The following HTR7 variants were observed in gnomAD, a reference collection of about 807,000 sequenced individuals.
HTR7 encodes 5-HT-7.
Under a neutral mutation model 34.0 loss-of-function variants are expected in HTR7, and 16 were observed. The ratio of observed to expected loss-of-function variants is 0.47; its 90% CI spans 0.32 to 0.71. The LOEUF is 0.71. HTR7 is among the 30% of genes least tolerant of loss of function. The probability of loss-of-function intolerance (pLI) is 0.04; values close to 1 mark genes in which losing one functional copy is unlikely to be tolerated. For synonymous variants in HTR7, 265 were observed against 260.2 expected, an observed-to-expected ratio of 1.02 and a Z score of -0.18; for missense variants, 504 against 625.5, an observed-to-expected ratio of 0.81 and a Z score of 2.07.
chr10:90,790,882 G>C (rs1845450978), intron 1 of HTR7, among the ~76,000 whole-genome samples: 1 of 152,082 alleles, frequency 6.6e-6, no homozygotes, highest in South Asian at 2.1e-4. Flanking sequence ...AATTACATTG[G>C]ATGCTTAGAC....
chr10:90,817,832 A>G (rs1845919559), intron 1 of HTR7, among the ~76,000 whole-genome samples: 1 of 152,254 alleles, frequency 6.6e-6, no homozygotes, highest in Non-Finnish European at 1.5e-5. Flanking sequence ...ATGTCTTTCA[A>G]CTGTTGAAAG....
intron 1 of HTR7, among the ~76,000 whole-genome samples, chr10:90,750,383 G>C (rs763983285): frequency 6.6e-6 from 1 of 152,136 alleles, no homozygotes; most frequent in Non-Finnish European, 1.5e-5. Flanking sequence ...ATTACTCCAA[G>C]TCTGTGATCA....
At chr10:90,798,924 T>C (rs945067956) in intron 1 of HTR7, among the ~76,000 whole-genome samples, 1 of 152,198 alleles carries the variant, frequency 6.6e-6, no homozygotes, top group African/African-American at 2.4e-5. Flanking sequence ...ACCGCCTTTG[T>C]AGAGCTAACA....
Position 90,756,417 on chromosome 10 carries a change from C to CTAGATGCTAA in HTR7, c.540-6833_540-6824dup, listed in dbSNP as rs1844833338. On this transcript the variant is annotated intron_variant, in intron 1 of 3. Transcript: ENST00000336152. ...ACTGAACTTATCATTTGCCATTAAC[C>CTAGATGCTAA]TAGATGCTAACCTGTTCTCTAAAAC... is the stretch of plus-strand genomic sequence containing the variant. Among the ~76,000 whole-genome samples, 5 of 152,258 alleles carry CTAGATGCTAA rather than the reference C, an allele frequency of 3.3e-5. No homozygotes were observed. In the South Asian group the frequency reaches 1.0e-3, roughly 32 times the overall value.
At chr10:90,847,784 A>T (rs962356091) in intron 1 of HTR7, among the ~76,000 whole-genome samples, 3 of 152,240 alleles carry the variant, frequency 2.0e-5, no homozygotes, top group African/African-American at 7.2e-5. Context: ...TGCTGACAGC[A>T]TTAAAACAAT....
At chr10:90,822,876 C>T (rs1044697059) in intron 1 of HTR7, among the ~76,000 whole-genome samples, 1 of 152,204 alleles carries the variant, frequency 6.6e-6, no homozygotes, top group Admixed American at 6.5e-5. Flanking sequence ...ACAGTTCAGG[C>T]CACTGTTCCA....
chr10:90,762,892 T>G (rs931054973), intron 1 of HTR7, among the ~76,000 whole-genome samples: 2 of 152,232 alleles, frequency 1.3e-5, no homozygotes, highest in Non-Finnish European at 2.9e-5. Context: ...AATAGACTAT[T>G]CTTTCCCCAT....
intron 1 of HTR7, among the ~76,000 whole-genome samples, chr10:90,780,226 A>G (rs1845285218): frequency 6.6e-6 from 1 of 152,154 alleles, no homozygotes; most frequent in South Asian, 2.1e-4. Flanking sequence ...ACAAAAATAC[A>G]TAAGTAAACA....
intron 1 of HTR7, among the ~76,000 whole-genome samples, chr10:90,809,952 G>A (rs113268831): frequency 0.016 from 2,447 of 152,168 alleles, 67 homozygotes; most frequent in African/African-American, 0.055. Flanking sequence ...TCCGAGCTTC[G>A]GGTAACCTTC....
intron 1 of HTR7, among the ~76,000 whole-genome samples, chr10:90,804,183 C>T (rs758156230): frequency 1.6e-4 from 24 of 152,102 alleles, no homozygotes; most frequent in Non-Finnish European, 2.8e-4. Flanking sequence ...GGAAAGATCA[C>T]CTTCTTCCCG....
intron 1 of HTR7, among the ~76,000 whole-genome samples, chr10:90,753,081 A>C (rs1417409100): frequency 6.6e-6 from 1 of 152,254 alleles, no homozygotes; most frequent in Non-Finnish European, 1.5e-5. Flanking sequence ...ATCATAAACT[A>C]GAAATCTAAA....
chr10:90,797,532 T>TG (rs1845559329), intron 1 of HTR7, among the ~76,000 whole-genome samples: 1 of 152,198 alleles, frequency 6.6e-6, no homozygotes, highest in Non-Finnish European at 1.5e-5. Context: ...TGTGGTAACT[T>TG]GAAGGCCTCT....
intron 1 of HTR7, among the ~76,000 whole-genome samples, chr10:90,766,430 T>C (rs966793116): frequency 6.6e-6 from 1 of 152,222 alleles, no homozygotes; most frequent in African/African-American, 2.4e-5. Flanking sequence ...AAAGCTCAAG[T>C]GAGTCTCTTG....
intron 1 of HTR7, among the ~76,000 whole-genome samples, chr10:90,826,489 C>T (rs538578670): frequency 2.6e-5 from 4 of 151,808 alleles, no homozygotes; most frequent in African/African-American, 9.7e-5. Context: ...AACTACTCAC[C>T]TCTTGAGTGG....
Position 90,756,483 on chromosome 10 carries a change from C to T in HTR7, c.540-6889G>A. On this transcript the variant is annotated intron_variant, in intron 1 of 3. Coordinates refer to ENST00000336152, the MANE Select transcript of HTR7 (RefSeq NM_019859.4). The stretch of plus-strand genomic sequence containing the variant: ...GTTCCAATACACTTTTAAACCATTT[C>T]CATCAGTGTTTCTAAGCTACACTTA... Among the ~76,000 whole-genome samples, 2 of 152,146 alleles carry T rather than the reference C, an allele frequency of 1.3e-5. 1 individual carries two copies. The highest frequency in any genetic ancestry group is 3.8e-4 in the East Asian group (2 of 5,200).
intron 1 of HTR7, among the ~76,000 whole-genome samples, chr10:90,838,175 T>C (rs183533859): frequency 1.3e-5 from 2 of 152,326 alleles, no homozygotes; most frequent in Middle Eastern, 3.4e-3. Context: ...CAAATGTCTA[T>C]TGATATAAAA....
chr10:90,772,323 T>G (rs1845129180), intron 1 of HTR7, among the ~76,000 whole-genome samples: 1 of 152,212 alleles, frequency 6.6e-6, no homozygotes, highest in Admixed American at 6.5e-5. Flanking sequence ...TAATATTCAA[T>G]AGTAGTAGCC....
chr10:90,773,175 G>A (rs888918529), intron 1 of HTR7, among the ~76,000 whole-genome samples: 5 of 152,094 alleles, frequency 3.3e-5, no homozygotes, highest in South Asian at 2.1e-4. Flanking sequence ...CCTTGCTTTC[G>A]GTCAAACTCA....
intron 1 of HTR7, among the ~76,000 whole-genome samples, chr10:90,794,706 T>C (rs1036638878): frequency 6.6e-6 from 1 of 152,122 alleles, no homozygotes; most frequent in African/African-American, 2.4e-5. Context: ...TCTCCCTGTG[T>C]TGCCTAAGCT....
Sources: allele counts gnomAD v4.1 joint callset (sites outside exome capture counted in the v4.1 genomes callset), GRCh38; gene constraint gnomAD v4.1.1; transcripts MANE v1.5; gene names NCBI Gene and HGNC (gene_info 2026-07-23, HGNC 2026-07-21).